The following DNAAF11 variants were observed in gnomAD, a reference collection of about 807,000 sequenced individuals.
The protein encoded by DNAAF11 is dynein axonemal assembly factor 11, also known as leucine rich repeat containing 6.
DNAAF11 carries 45 observed loss-of-function variants against 60.8 expected under a neutral mutation model. The observed-to-expected ratio is 0.74, with a 90% CI of 0.58 to 0.95. DNAAF11 has a LOEUF of 0.95. Among genes scored for constraint, DNAAF11 ranks in the 40% least tolerant of loss-of-function variants. The probability of loss-of-function intolerance (pLI) is 0.00; values close to 1 mark genes in which losing one functional copy is unlikely to be tolerated. For synonymous variants in DNAAF11, 191 were observed against 183.5 expected, an observed-to-expected ratio of 1.04 and a Z score of -0.33; for missense variants, 546 against 546.2, an observed-to-expected ratio of 1.00 and a Z score of 0.00.
At chr8:132,608,603 C>G (rs1237869826) in intron 10 of DNAAF11, 1 of 364,246 alleles carries the variant, frequency 2.7e-6, no homozygotes, top group African/African-American at 2.1e-5. Flanking sequence ...TAGGAATTAG[C>G]AGAGTCTCTA....
chr8:132,570,673 G>A lies in DNAAF11; in HGVS notation c.*1633C>T, dbSNP rs77513424. Among the ~76,000 whole-genome samples, 35 of 152,306 alleles carry A rather than the reference G, an allele frequency of 2.3e-4. No homozygotes were observed. Among genetic ancestry groups the A allele is most frequent in the Admixed American group, 2.0e-3 (31 of 15,294 alleles). On this transcript the variant is annotated 3_prime_UTR_variant, in exon 12 of 12. Transcript: ENST00000620350. ...GTGTTATACTCAGTCATTGCCATCA[G>A]TCGCAGTGATGGACAGATGCAGAGG...
chr8:132,618,988 C>T (rs1316772704), intron 7 of DNAAF11, among the ~76,000 whole-genome samples: 8 of 152,088 alleles, frequency 5.3e-5, no homozygotes, highest in Non-Finnish European at 1.0e-4. Flanking sequence ...GCTATAAAGA[C>T]ACATGCACAC....
At chr8:132,638,844 C>T (rs1821573360) in intron 3 of DNAAF11, among the ~76,000 whole-genome samples, 1 of 152,050 alleles carries the variant, frequency 6.6e-6, no homozygotes, top group Admixed American at 6.5e-5. Flanking sequence ...GAATTAATCC[C>T]CTCATTCACA....
intron 11 of DNAAF11, among the ~76,000 whole-genome samples, chr8:132,574,027 G>A (rs186864378): frequency 1.3e-5 from 2 of 152,270 alleles, no homozygotes; most frequent in African/African-American, 4.8e-5. Context: ...AGGAATGTGG[G>A]TGAGCAATAA....
At chr8:132,636,429 T>C (rs113557324) in intron 4 of DNAAF11, among the ~76,000 whole-genome samples, 3,438 of 152,234 alleles carry the variant, frequency 0.023, 152 homozygotes, top group African/African-American at 0.078. Flanking sequence ...AAACAAGCAG[T>C]GTTCATTCCC....
chr8:132,612,720 G>A (rs960227092), intron 8 of DNAAF11, among the ~76,000 whole-genome samples: 1 of 152,164 alleles, frequency 6.6e-6, no homozygotes, highest in Admixed American at 6.5e-5. Context: ...GTATTCTATA[G>A]ATGCTTGTTG....
At chr8:132,661,274 T>C (rs935121747) in intron 2 of DNAAF11, among the ~76,000 whole-genome samples, 186 bp downstream of exon 2, 15 of 152,136 alleles carry the variant, frequency 9.9e-5, no homozygotes, top group Non-Finnish European at 1.0e-4. Flanking sequence ...TTGCTGGAAA[T>C]TGTTTTCACT....
intron 2 of DNAAF11, among the ~76,000 whole-genome samples, chr8:132,658,636 A>G (rs1823825957): frequency 6.6e-6 from 1 of 152,152 alleles, no homozygotes; most frequent in Admixed American, 6.5e-5. Context: ...GGAGGTTTCT[A>G]TGTGCTAAGA....
chr8:132,658,425 C>T (rs1017077076), intron 2 of DNAAF11, among the ~76,000 whole-genome samples: 4 of 152,118 alleles, frequency 2.6e-5, no homozygotes, highest in East Asian at 1.9e-4. Flanking sequence ...CGGGTTCACA[C>T]CATTCTCCTG....
At chr8:132,702,838 G>A in the DNAAF11 span, among the ~76,000 whole-genome samples, 1 of 152,184 alleles carries the variant, frequency 6.6e-6, no homozygotes, top group African/African-American at 2.4e-5. Flanking sequence ...CAGAGCTGAA[G>A]TATCATGCTA....
intron 7 of DNAAF11, among the ~76,000 whole-genome samples, chr8:132,617,300 C>T (rs1031274433): frequency 6.6e-6 from 1 of 151,960 alleles, no homozygotes; most frequent in African/African-American, 2.4e-5. Flanking sequence ...ACCCAAAAAA[C>T]AAAATCAAAA....
chr8:132,601,006 A>T (rs1435274140), intron 10 of DNAAF11, among the ~76,000 whole-genome samples: 1 of 151,818 alleles, frequency 6.6e-6, no homozygotes, highest in South Asian at 2.1e-4. Flanking sequence ...ATGGGAAAAA[A>T]GTTTTGCAAT....
intron 1 of DNAAF11, 102 bp from the exon 2 acceptor site, chr8:132,661,729 T>C (rs1289218169): frequency 8.0e-7 from 1 of 1,252,588 alleles, no homozygotes; most frequent in Non-Finnish European, 1.1e-6. Flanking sequence ...GTTTTTGCAG[T>C]TGAATGTCAA....
chr8:132,675,146 CT>C (rs1825663709), intron 1 of DNAAF11: 1 of 332,140 alleles, frequency 3.0e-6, no homozygotes, highest in East Asian at 4.7e-5. Flanking sequence ...TAAGGAGCCA[CT>C]TGGCCGGAAC....
the DNAAF11 span, among the ~76,000 whole-genome samples, chr8:132,691,138 G>T: frequency 2.8e-4 from 43 of 152,010 alleles, no homozygotes; most frequent in Admixed American, 2.8e-3. Flanking sequence ...TTCTCCATAG[G>T]AGAAGAGTTT....
intron 10 of DNAAF11, among the ~76,000 whole-genome samples, chr8:132,607,713 G>T (rs1019189415): frequency 6.6e-6 from 1 of 152,034 alleles, no homozygotes; most frequent in Non-Finnish European, 1.5e-5. Flanking sequence ...CTATTTCTGT[G>T]TCTAGCTTAA....
chr8:132,607,352 T>C (rs966228513), intron 10 of DNAAF11, among the ~76,000 whole-genome samples: 1 of 152,208 alleles, frequency 6.6e-6, no homozygotes, highest in Non-Finnish European at 1.5e-5. Context: ...TACAGCAATC[T>C]GTAGTATGCC....
intron 7 of DNAAF11, among the ~76,000 whole-genome samples, 159 bp from the exon 8 acceptor site, chr8:132,615,256 T>C (rs576683877): frequency 4.8e-4 from 73 of 152,230 alleles, no homozygotes; most frequent in Non-Finnish European, 9.4e-4. Context: ...ACGGTAATTT[T>C]AACATTTCAG....
rs1228135279 is a variant in DNAAF11 at position 132,661,583 on chromosome 8, C to A, written c.55G>T (p.Val19Phe). 6.2e-7 allele frequency: 1 copy of A among 1,614,088 alleles called. No homozygotes were observed. The highest frequency in any genetic ancestry group is 2.2e-5 in the East Asian group (1 of 44,880). The stretch of plus-strand genomic sequence containing the variant: ...GAGAGTTCCTCCAGGGAAAAAATGA[C>A]ACAGTCGTTGTGTTCAGCATTCCGT... ...IRRNAEHNDC[V>F]IFSLEELSLH... The change falls in exon 2 of 12, where the codon GTC (valine) becomes TTC (phenylalanine). Residue 19 changes from valine to phenylalanine, a missense_variant. Val to Phe is a conservative substitution (Grantham distance 50, BLOSUM62 -1). Transcript: ENST00000620350.
Sources: allele counts gnomAD v4.1 joint callset (sites outside exome capture counted in the v4.1 genomes callset), GRCh38; gene constraint gnomAD v4.1.1; transcripts MANE v1.5; gene names NCBI Gene and HGNC (gene_info 2026-07-23, HGNC 2026-07-21).